Variants in SLC35F3 observed in about 807,000 individuals in gnomAD.
SLC35F3 encodes the protein putative thiamine transporter SLC35F3.
In SLC35F3, 25 loss-of-function variants were observed where a neutral mutation model predicts 49.9. The observed-to-expected ratio is 0.50, with a 90% confidence interval of 0.37 to 0.70. The LOEUF (loss-of-function observed/expected upper bound fraction) is 0.70. Among genes scored for constraint, SLC35F3 ranks in the 30% least tolerant of loss-of-function variants. The pLI is 0.00. For missense variants in SLC35F3, 525 were observed against 639.8 expected, an observed-to-expected ratio of 0.82 and a Z score of 1.94; for synonymous variants, 275 against 265.4, an observed-to-expected ratio of 1.04 and a Z score of -0.35.
At position 234,284,193 on chromosome 1, in the gene SLC35F3, C is replaced by T. The variant is rs558317981; in HGVS notation, c.609-24908C>T. Among the ~76,000 whole-genome samples, 8 of 152,266 alleles carry T rather than the reference C, an allele frequency of 5.3e-5. No homozygotes were observed. The East Asian group carries it at 1.3e-3, about 26-fold the overall frequency. ...GTGTTGGGATTATAGACATGAGCTA[C>T]GGTGCCTGTCCAGATAATAACTTTT... On this transcript the variant is annotated intron_variant, in intron 3 of 7. Coordinates refer to ENST00000366618, the MANE Select transcript of SLC35F3 (RefSeq NM_173508.4).
At chr1:233,922,562 G>C (rs577691169) in intron 2 of SLC35F3, among the ~76,000 whole-genome samples, 4,307 of 150,042 alleles carry the variant, frequency 0.029, 192 homozygotes, top group African/African-American at 0.099. Flanking sequence ...TTGTCAGATG[G>C]GTAGATTGCA....
chr1:234,007,242 A>C (rs1455340902), intron 2 of SLC35F3, among the ~76,000 whole-genome samples: 1 of 152,212 alleles, frequency 6.6e-6, no homozygotes. Flanking sequence ...AAAGGAAAAC[A>C]TTGAGCAGGG....
intron 2 of SLC35F3, among the ~76,000 whole-genome samples, chr1:233,925,175 T>A (rs1332810301): frequency 6.6e-6 from 1 of 152,194 alleles, no homozygotes; most frequent in African/African-American, 2.4e-5. Context: ...TGAGTTCAAG[T>A]CCTGGATATC....
chr1:234,290,127 T>A (rs1668482871), intron 3 of SLC35F3, among the ~76,000 whole-genome samples: 1 of 151,984 alleles, frequency 6.6e-6, no homozygotes, highest in Non-Finnish European at 1.5e-5. Context: ...TCTGAAGAAA[T>A]CATCCAAAGT....
In SLC35F3 at chr1:234,160,994, C is replaced by A. The variant is rs148068083; in HGVS notation, c.284-70423C>A. Among the ~76,000 whole-genome samples the A allele has an allele frequency of 6.8e-4, 104 of 152,294 alleles. No individual in the cohort carries two copies. The Middle Eastern group carries it at 0.027, about 40-fold the overall frequency. On this transcript the variant is annotated intron_variant, in intron 2 of 7. Transcript: ENST00000366618. ...GGCTCTTCCTCCATCTCTCTTGGAT[C>A]CAGGCTTTCCTGCTTCTCTCCATTT...
chr1:234,292,467 C>A (rs753198853), intron 3 of SLC35F3, among the ~76,000 whole-genome samples: 3 of 152,164 alleles, frequency 2.0e-5, no homozygotes, highest in African/African-American at 2.4e-5. Flanking sequence ...AAATTAAATT[C>A]AAAAAATCTC....
intron 2 of SLC35F3, among the ~76,000 whole-genome samples, chr1:233,958,959 T>C: frequency 6.6e-6 from 1 of 152,228 alleles, no homozygotes; most frequent in East Asian, 1.9e-4. Context: ...ATCATGTTTT[T>C]CTTTTGGAAC....
intron 2 of SLC35F3, among the ~76,000 whole-genome samples, chr1:234,150,407 T>C (rs1351171426): frequency 1.3e-5 from 2 of 152,240 alleles, no homozygotes; most frequent in Non-Finnish European, 2.9e-5. Context: ...CAGCCGATGC[T>C]ACACCATCAT....
intron 3 of SLC35F3, among the ~76,000 whole-genome samples, chr1:234,243,499 GT>G (rs1667585933): frequency 6.6e-6 from 1 of 152,222 alleles, no homozygotes; most frequent in African/African-American, 2.4e-5. Context: ...TGGTAAAGAT[GT>G]TTTCTCGCAT....
intron 2 of SLC35F3, among the ~76,000 whole-genome samples, chr1:234,121,133 CTT>C (rs66702949): frequency 4.4e-3 from 456 of 102,736 alleles, no homozygotes; most frequent in African/African-American, 0.013. Context: ...TGAAAAATTA[CTT>C]TTTTTTTTTT....
chr1:234,126,162 A>G (rs1045579549), intron 2 of SLC35F3, among the ~76,000 whole-genome samples: 2 of 151,952 alleles, frequency 1.3e-5, no homozygotes, highest in East Asian at 1.9e-4. Context: ...TGCTGGGACT[A>G]TTTTCTAACT....
At chr1:234,089,032 G>C (rs753476432) in intron 2 of SLC35F3, among the ~76,000 whole-genome samples, 1 of 152,214 alleles carries the variant, frequency 6.6e-6, no homozygotes, top group Non-Finnish European at 1.5e-5. Flanking sequence ...AGAGTGCTGG[G>C]ATTACAGGCA....
At chr1:234,016,071 G>A (rs1294711718) in intron 2 of SLC35F3, among the ~76,000 whole-genome samples, 1 of 152,108 alleles carries the variant, frequency 6.6e-6, no homozygotes, top group Non-Finnish European at 1.5e-5. Flanking sequence ...CTAATCATTA[G>A]GGAAATGCAA....
intron 5 of SLC35F3, among the ~76,000 whole-genome samples, chr1:234,317,327 T>C (rs1558108926): frequency 6.6e-6 from 1 of 152,120 alleles, no homozygotes; most frequent in Non-Finnish European, 1.5e-5. Flanking sequence ...ATTCCCACAC[T>C]CAGGTCCCTT....
At chr1:234,113,194 C>T (rs553985203) in intron 2 of SLC35F3, among the ~76,000 whole-genome samples, 2 of 152,176 alleles carry the variant, frequency 1.3e-5, no homozygotes, top group African/African-American at 2.4e-5. Context: ...TTGTCCTCTC[C>T]GTCCAACCAC....
At chr1:234,249,306 G>A (rs1289055302) in intron 3 of SLC35F3, among the ~76,000 whole-genome samples, 3 of 152,080 alleles carry the variant, frequency 2.0e-5, no homozygotes, top group Admixed American at 2.0e-4. Context: ...TCTTTCACAG[G>A]TTTTTCCTCT....
At chr1:234,179,730 C>A (rs201774594) in intron 2 of SLC35F3, among the ~76,000 whole-genome samples, 20,900 of 151,946 alleles carry the variant, frequency 0.14, 3,629 homozygotes, top group East Asian at 0.88. Context: ...GAATTTTTAC[C>A]AATTATGTTA....
At chr1:234,066,221 C>T (rs1454500153) in intron 2 of SLC35F3, among the ~76,000 whole-genome samples, 3 of 152,118 alleles carry the variant, frequency 2.0e-5, no homozygotes, top group Non-Finnish European at 1.5e-5. Context: ...TTTGGCTGCC[C>T]GTTGCTCAAG....
At chr1:233,993,022 G>C (rs188032687) in intron 2 of SLC35F3, among the ~76,000 whole-genome samples, 1 of 152,280 alleles carries the variant, frequency 6.6e-6, no homozygotes, top group African/African-American at 2.4e-5. Flanking sequence ...TACTTGAAAT[G>C]CCCGTGCCTT....
Sources: allele counts gnomAD v4.1 joint callset (sites outside exome capture counted in the v4.1 genomes callset), GRCh38; gene constraint gnomAD v4.1.1; transcripts MANE v1.5; gene names NCBI Gene and HGNC (gene_info 2026-07-23, HGNC 2026-07-21).